Variants in DLGAP2 observed in about 807,000 individuals in gnomAD.
DLGAP2 encodes the protein DLG associated protein 2.
DLGAP2 carries 26 observed loss-of-function variants against 100.3 expected under a neutral mutation model. The ratio of observed to expected loss-of-function variants is 0.26; its 90% confidence interval spans 0.19 to 0.36. The LOEUF is 0.36. DLGAP2 is among the 10% of genes least tolerant of loss of function. The pLI is 1.00. For missense variants in DLGAP2, 1,858 were observed against 1,453.2 expected, an observed-to-expected ratio of 1.28 and a Z score of -4.53; for synonymous variants, 886 against 630.1, an observed-to-expected ratio of 1.41 and a Z score of -6.08.
chr8:797,895 C>T (rs906295506), intron 1 of DLGAP2, among the ~76,000 whole-genome samples: 6 of 152,214 alleles, frequency 3.9e-5, no homozygotes, highest in East Asian at 1.9e-4. Flanking sequence ...GGATTACAGG[C>T]GCCTGCCACC....
chr8:1,426,057 C>G (rs1191927487), intron 3 of DLGAP2, among the ~76,000 whole-genome samples: 2 of 152,148 alleles, frequency 1.3e-5, no homozygotes, highest in Non-Finnish European at 2.9e-5. Context: ...AAACTCTGAA[C>G]CAAGGGAGAG....
chr8:905,162 G>C (rs1020111194), intron 1 of DLGAP2, among the ~76,000 whole-genome samples: 2 of 152,178 alleles, frequency 1.3e-5, no homozygotes, highest in South Asian at 2.1e-4. Flanking sequence ...GGATCCTCAA[G>C]TATAAAGAGC....
intron 1 of DLGAP2, among the ~76,000 whole-genome samples, chr8:821,376 C>A (rs1432312444): frequency 6.6e-6 from 1 of 152,168 alleles, no homozygotes; most frequent in African/African-American, 2.4e-5. Flanking sequence ...ACTGGCATAT[C>A]TTTCCAGTGT....
intron 2 of DLGAP2, among the ~76,000 whole-genome samples, chr8:1,087,853 G>C (rs1044386171): frequency 6.6e-6 from 1 of 152,198 alleles, no homozygotes; most frequent in Non-Finnish European, 1.5e-5. Flanking sequence ...TCAGCACACA[G>C]TGCAAAGCTC....
chr8:1,089,781 A>G (rs1804110485), intron 2 of DLGAP2, among the ~76,000 whole-genome samples: 1 of 152,232 alleles, frequency 6.6e-6, no homozygotes, highest in Non-Finnish European at 1.5e-5. Context: ...CATTCCTACA[A>G]CATATCCATC....
intron 3 of DLGAP2, among the ~76,000 whole-genome samples, chr8:1,374,360 C>G (rs1168876197): frequency 1.3e-5 from 2 of 151,820 alleles, no homozygotes; most frequent in Admixed American, 6.6e-5. Context: ...CGGCACGGGT[C>G]CAGTGACCTC....
chr8:1,309,918 A>C (rs537532796), intron 3 of DLGAP2, among the ~76,000 whole-genome samples: 1 of 152,278 alleles, frequency 6.6e-6, no homozygotes, highest in African/African-American at 2.4e-5. Flanking sequence ...AACATGGTGA[A>C]AACCCATCTT....
At chr8:1,356,697 C>T (rs975124845) in intron 3 of DLGAP2, among the ~76,000 whole-genome samples, 13 of 152,184 alleles carry the variant, frequency 8.5e-5, no homozygotes, top group South Asian at 6.2e-4. Flanking sequence ...AACGATCATT[C>T]GCCACAATGT....
intron 1 of DLGAP2, among the ~76,000 whole-genome samples, chr8:796,191 A>G (rs1255153197): frequency 6.6e-6 from 1 of 152,184 alleles, no homozygotes; most frequent in African/African-American, 2.4e-5. Flanking sequence ...CAGTGTGAGC[A>G]CAGCTTTGGG....
At chr8:1,594,404 A>G (rs558467187) in intron 6 of DLGAP2, among the ~76,000 whole-genome samples, 2 of 152,270 alleles carry the variant, frequency 1.3e-5, no homozygotes, top group East Asian at 1.9e-4. Flanking sequence ...TTTTTTAAAT[A>G]TGTGCCAAAC....
At chr8:1,206,356 C>G (rs1270379921) in intron 2 of DLGAP2, among the ~76,000 whole-genome samples, 2 of 150,476 alleles carry the variant, frequency 1.3e-5, no homozygotes, top group African/African-American at 4.9e-5. Flanking sequence ...CTCCAGCCAT[C>G]CGTGGACTGG....
intron 3 of DLGAP2, among the ~76,000 whole-genome samples, chr8:1,340,831 C>T (rs1004100509): frequency 6.6e-6 from 1 of 152,152 alleles, no homozygotes; most frequent in African/African-American, 2.4e-5. Context: ...GTGGAATCAA[C>T]CTAAATGCCA....
At chr8:1,119,677 G>C (rs565179854) in intron 2 of DLGAP2, among the ~76,000 whole-genome samples, 1 of 152,312 alleles carries the variant, frequency 6.6e-6, no homozygotes, top group Admixed American at 6.5e-5. Context: ...GAGAGGCTTC[G>C]CCACTCAACT....
chr8:1,506,566 CG>C (rs1799926153), intron 4 of DLGAP2, among the ~76,000 whole-genome samples: 2 of 152,146 alleles, frequency 1.3e-5, no homozygotes. Context: ...GTGCATACAG[CG>C]TAAAAATTAA....
At chr8:1,419,578 T>C (rs936337558) in intron 3 of DLGAP2, among the ~76,000 whole-genome samples, 1 of 152,136 alleles carries the variant, frequency 6.6e-6, no homozygotes, top group Non-Finnish European at 1.5e-5. Flanking sequence ...ACATAATGTA[T>C]AAGGTGAGGT....
intron 3 of DLGAP2, among the ~76,000 whole-genome samples, chr8:1,335,825 A>C (rs781297963): frequency 2.0e-5 from 3 of 152,244 alleles, no homozygotes; most frequent in Non-Finnish European, 4.4e-5. Flanking sequence ...AGTTTCAGAT[A>C]AATAAGAAAA....
At chr8:1,381,510 G>T (rs1426949707) in intron 3 of DLGAP2, 2 of 152,244 alleles carry the variant, frequency 1.3e-5, no homozygotes, top group African/African-American at 2.4e-5. Flanking sequence ...ATCCAGGCTG[G>T]ACGGTGCAGC....
chr8:897,747 C>T (rs569204101), intron 1 of DLGAP2, among the ~76,000 whole-genome samples: 11 of 152,234 alleles, frequency 7.2e-5, no homozygotes, highest in Admixed American at 2.0e-4. Flanking sequence ...GAGCCAGAAG[C>T]GAGCACCGCA....
intron 1 of DLGAP2, among the ~76,000 whole-genome samples, chr8:880,057 T>G (rs1273790173): frequency 6.6e-6 from 1 of 152,186 alleles, no homozygotes; most frequent in Non-Finnish European, 1.5e-5. Flanking sequence ...GTCCTGGCCT[T>G]CTTGTCCTGC....
Sources: allele counts gnomAD v4.1 joint callset (sites outside exome capture counted in the v4.1 genomes callset), GRCh38; gene constraint gnomAD v4.1.1; transcripts MANE v1.5; gene names NCBI Gene and HGNC (gene_info 2026-07-23, HGNC 2026-07-21).